The following AXIN2 variants were observed in gnomAD, a reference collection of about 807,000 sequenced individuals.
AXIN2 encodes axin-2.
Under a neutral mutation model 74.7 loss-of-function variants are expected in AXIN2, and 21 were observed. The observed-to-expected ratio is 0.28, with a 90% CI of 0.20 to 0.40. The LOEUF is 0.40. AXIN2 is among the 10% of genes least tolerant of loss of function. The probability of loss-of-function intolerance (pLI) is 1.00; values close to 1 mark genes in which losing one functional copy is unlikely to be tolerated. For synonymous variants in AXIN2, 532 were observed against 454.9 expected, an observed-to-expected ratio of 1.17 and a Z score of -2.16; for missense variants, 1,144 against 1,111.1, an observed-to-expected ratio of 1.03 and a Z score of -0.42.
In AXIN2 at chr17:65,536,327, T is replaced by C; in HGVS notation, c.2134A>G (p.Lys712Glu). Residue 712 changes from lysine (K) to glutamate (E), a missense_variant, in exon 8 of 11, where the codon AAG becomes GAG. Coordinates refer to ENST00000307078, the MANE Select transcript of AXIN2 (RefSeq NM_004655.4). ...RRLAEVSKPP[K>E]QRCCVASQQR... is the part of the protein sequence containing the mutation. ...CCCTTCACTTCCACTCACCGCTGCTTTGGGGGCTTCGACACCTCAGCTAGC... is the reference window on the plus strand; with the variant it reads ...CCCTTCACTTCCACTCACCGCTGCTCTGGGGGCTTCGACACCTCAGCTAGC... 2 of 1,610,704 alleles carry C rather than the reference T, an allele frequency of 1.2e-6. No individual in the cohort carries two copies. Among genetic ancestry groups the C allele is most frequent in the Non-Finnish European group, 1.7e-6 (2 of 1,179,018 alleles).
At chr17:65,537,269 G>C in intron 6 of AXIN2, 55 bp downstream of exon 6, 1 of 1,610,660 alleles carries the variant, frequency 6.2e-7, no homozygotes, top group South Asian at 1.1e-5. Flanking sequence ...CCTGCCCATG[G>C]ACCTGGCTGG....
intron 3 of AXIN2, among the ~76,000 whole-genome samples, chr17:65,549,137 A>G (rs1049496450): frequency 3.3e-5 from 5 of 152,212 alleles, no homozygotes; most frequent in African/African-American, 1.2e-4. Flanking sequence ...TTGGTTCTGC[A>G]GACAGGATAC....
chr17:65,552,648 T>G (rs2144555109), intron 2 of AXIN2, among the ~76,000 whole-genome samples: 1 of 152,298 alleles, frequency 6.6e-6, no homozygotes, highest in South Asian at 2.1e-4. Context: ...CACCAAGTTC[T>G]GAGGTCCTCC....
At chr17:65,532,438 G>C (rs926089340) in intron 10 of AXIN2, among the ~76,000 whole-genome samples, 1 of 152,214 alleles carries the variant, frequency 6.6e-6, no homozygotes, top group African/African-American at 2.4e-5. Flanking sequence ...AGCAGCAGCA[G>C]CCAGGCCTGT....
At position 65,538,271 on chromosome 17, in the gene AXIN2, G is replaced by A; in HGVS notation, c.1132C>T (p.Leu378=). ...ATFAAELISR[L]EKLKLELESR... ...TCCAACTCCAGCTTCAGCTTTTCCA[G>A]CCTCGAGATCAGCTCAGCTGCAAAG... Residue 378 remains leucine (L), a synonymous_variant, in exon 5 of 11, where the codon CTG becomes TTG. Coordinates refer to ENST00000307078, the MANE Select transcript of AXIN2 (RefSeq NM_004655.4). The A allele has an allele frequency of 6.2e-7, 1 of 1,614,228 alleles. No individual in the cohort carries two copies. Among genetic ancestry groups the A allele is most frequent in the Non-Finnish European group, 8.5e-7 (1 of 1,180,050 alleles).
intron 4 of AXIN2, 80 bp from the exon 5 acceptor site, chr17:65,538,423 C>A (rs2144480170): frequency 6.3e-7 from 1 of 1,579,168 alleles, no homozygotes; most frequent in Non-Finnish European, 8.7e-7. Context: ...CTTCCCGCAC[C>A]AGGCGCTGTG....
chr17:65,535,470 G>A (rs918910112), intron 9 of AXIN2, among the ~76,000 whole-genome samples, 156 bp downstream of exon 9: 71 of 152,180 alleles, frequency 4.7e-4, no homozygotes, highest in Non-Finnish European at 9.1e-4. Context: ...GACATGGATG[G>A]CAACATCTAC....
chr17:65,532,847 A>G (rs2043846769), intron 10 of AXIN2, among the ~76,000 whole-genome samples: 1 of 152,214 alleles, frequency 6.6e-6, no homozygotes, highest in African/African-American at 2.4e-5. Context: ...ACAGCTGAGG[A>G]GTTGGAACTC....
chr17:65,545,485 C>A (rs568020615), intron 3 of AXIN2, among the ~76,000 whole-genome samples: 1 of 152,058 alleles, frequency 6.6e-6, no homozygotes, highest in Admixed American at 6.6e-5. Flanking sequence ...GTCAAGAGAT[C>A]GAGACCATCC....
rs530658215 is a variant in AXIN2, at chr17:65,558,748, AG to A, written c.-116-13del. 1.7e-3 allele frequency: 1,656 copies of A among 962,618 alleles called. 19 individuals carry two copies. In the African/African-American group the frequency reaches 0.024, roughly 14 times the overall value. The allele number at this position is 962,618 out of a possible 1,614,324, so 59.6% of individuals were successfully genotyped here. On this transcript the variant is annotated splice_polypyrimidine_tract_variant and intron_variant, in intron 1 of 10. Transcript: ENST00000307078. ...TCTGAACCTCCTCTCTGGAAAGAAAAGGAAGGGGGGAGGTGGGGAGAGAGAA... is the reference window on the plus strand; with the variant it reads ...TCTGAACCTCCTCTCTGGAAAGAAAAGAAGGGGGGAGGTGGGGAGAGAGAA...
chr17:65,551,223 C>T (rs370191844), intron 2 of AXIN2, among the ~76,000 whole-genome samples: 3 of 151,844 alleles, frequency 2.0e-5, no homozygotes, highest in African/African-American at 4.8e-5. Flanking sequence ...ATGGGACTAA[C>T]GGGACTCCCT....
chr17:65,532,604 C>T (rs1028994072), intron 10 of AXIN2, among the ~76,000 whole-genome samples: 1 of 152,214 alleles, frequency 6.6e-6, no homozygotes, highest in Non-Finnish European at 1.5e-5. Flanking sequence ...TTTGAGCCCC[C>T]GCCCAAACTA....
At chr17:65,536,611 G>A (rs1261213168) in intron 7 of AXIN2, 58 bp from the exon 8 acceptor site, 4 of 1,581,070 alleles carry the variant, frequency 2.5e-6, no homozygotes, top group African/African-American at 2.7e-5. Context: ...TAGAAGAACT[G>A]GAAAATGTGA....
Position 65,528,860 on chromosome 17 carries a change from G to C in AXIN2, c.*1116C>G. The C allele has an allele frequency of 2.5e-6, 1 of 400,654 alleles. No individual in the cohort carries two copies. Among genetic ancestry groups the C allele is most frequent in the Non-Finnish European group, 4.6e-6 (1 of 217,592 alleles). 24.8% of individuals were successfully genotyped at this position (400,654 alleles called of 1,614,324 possible). ...TACTGATTTAAAGTCAAGCACTAGA[G>C]ATAGTGGATTAATACTCTTTTGCCG... is the stretch of plus-strand genomic sequence containing the variant. On this transcript the variant is annotated 3_prime_UTR_variant, in exon 11 of 11. Transcript: ENST00000307078.
intron 2 of AXIN2, among the ~76,000 whole-genome samples, chr17:65,555,881 CAG>C (rs1169673262): frequency 2.0e-5 from 3 of 151,832 alleles, no homozygotes; most frequent in African/African-American, 4.8e-5. Flanking sequence ...ATATGAGCTT[CAG>C]AGAGTCCTTT....
chr17:65,554,829 C>G (rs1438900274), intron 2 of AXIN2, among the ~76,000 whole-genome samples: 3 of 152,184 alleles, frequency 2.0e-5, no homozygotes. Flanking sequence ...CTCTGTGCAC[C>G]CAGCACCTTA....
rs148765149 is a variant in AXIN2, at chr17:65,536,321, G to C, written c.2140C>G (p.Arg714Gly). 1 of 1,608,784 alleles carries C rather than the reference G, an allele frequency of 6.2e-7. No individual in the cohort carries two copies. Among genetic ancestry groups the C allele is most frequent in the South Asian group, 1.1e-5 (1 of 90,160 alleles). The change falls in exon 8 of 11, where the codon CGG (arginine) becomes GGG (glycine). Residue 714 changes from arginine (R) to glycine (G), a missense_variant and splice_region_variant. By Grantham distance (125) the Arg-to-Gly change is moderately radical (BLOSUM62 -2). This residue lies in a region of AXIN2 where 1,053 missense variants were observed against 973.5 expected (regional missense o/e 1.08). Transcript: ENST00000307078. ...LAEVSKPPKQRCCVASQQRDR... is the reference protein window; with the variant it reads ...LAEVSKPPKQGCCVASQQRDR... ...CTAGGACCCTTCACTTCCACTCACC[G>C]CTGCTTTGGGGGCTTCGACACCTCA...
rs767190766 is a variant in AXIN2, at chr17:65,549,696, C to T, written c.816-36G>A. On this transcript the variant is annotated intron_variant, in intron 2 of 10. Coordinates refer to ENST00000307078, the MANE Select transcript of AXIN2 (RefSeq NM_004655.4). ...AGTACAAAAGTGGTTCAGTCACTGACCCTCACCAGAAACCCAGGTAATCAG... is the reference window on the plus strand; with the variant it reads ...AGTACAAAAGTGGTTCAGTCACTGATCCTCACCAGAAACCCAGGTAATCAG... 1.9e-6 allele frequency: 3 copies of T among 1,573,106 alleles called. No individual in the cohort carries two copies. The South Asian group carries it at 3.5e-5, about 18-fold the overall frequency.
In AXIN2 at chr17:65,536,962, G is replaced by T. The variant is rs1268443604; in HGVS notation, c.1814C>A (p.Ala605Asp). 4 of 1,613,140 alleles carry T rather than the reference G, an allele frequency of 2.5e-6. No individual in the cohort carries two copies. The African/African-American group carries it at 4.0e-5, about 16-fold the overall frequency. The change falls in exon 7 of 11, where the codon GCC becomes GAC. Residue 605 changes from alanine to aspartate, a missense_variant. Coordinates refer to ENST00000307078, the MANE Select transcript of AXIN2 (RefSeq NM_004655.4). ...REGGAPGGAGALQLPREEGDR... is the reference protein window; with the variant it reads ...REGGAPGGAGDLQLPREEGDR... ...TCCTTCCTCCCGGGGAAGCTGCAGGGCCCCAGCTCCGCCGGGGGCCCCTCC... is the reference window on the plus strand; with the variant it reads ...TCCTTCCTCCCGGGGAAGCTGCAGGTCCCCAGCTCCGCCGGGGGCCCCTCC...
Sources: gnomAD v4.1 joint callset for allele counts (sites outside exome capture counted in the v4.1 genomes callset) on GRCh38, gnomAD v4.1.1 for gene constraint, gnomAD v4.1.1 regional missense constraint, MANE v1.5 for transcripts, NCBI Gene and HGNC (gene_info 2026-07-23, HGNC 2026-07-21) for gene names.